ITGA9: variants seen among roughly 807,000 people sequenced by gnomAD.
ITGA9 encodes integrin alpha-9.
A neutral mutation model predicts 127.8 loss-of-function variants in ITGA9; 56 were observed. That is an observed-to-expected ratio of 0.44 (90% CI 0.35 to 0.55). The LOEUF (loss-of-function observed/expected upper bound fraction) is 0.55. Among genes scored for constraint, ITGA9 ranks in the 20% least tolerant of loss-of-function variants. The pLI is 0.00. For synonymous variants in ITGA9, 508 were observed against 514.5 expected, an observed-to-expected ratio of 0.99 and a Z score of 0.17; for missense variants, 1,196 against 1,347.1, an observed-to-expected ratio of 0.89 and a Z score of 1.76.
chr3:37,707,420 G>A (rs1701019038), intron 18 of ITGA9, among the ~76,000 whole-genome samples: 1 of 152,140 alleles, frequency 6.6e-6, no homozygotes. Flanking sequence ...TATTATGTTT[G>A]TGTTCTTCTT....
chr3:37,553,811 T>A (rs567617646), intron 15 of ITGA9, among the ~76,000 whole-genome samples: 1 of 152,334 alleles, frequency 6.6e-6, no homozygotes, highest in African/African-American at 2.4e-5. Context: ...TACTGCTGTC[T>A]GAGAATAAAA....
At chr3:37,733,339 T>G (rs1696319790) in intron 19 of ITGA9, among the ~76,000 whole-genome samples, 1 of 152,112 alleles carries the variant, frequency 6.6e-6, no homozygotes, top group Admixed American at 6.5e-5. Flanking sequence ...AATAGTATAC[T>G]ACAGCATCTT....
intron 26 of ITGA9, among the ~76,000 whole-genome samples, chr3:37,791,398 C>T (rs1282385401): frequency 6.6e-6 from 1 of 152,176 alleles, no homozygotes; most frequent in Non-Finnish European, 1.5e-5. Flanking sequence ...GGCTCTGTCT[C>T]ATTTCAGCAG....
Position 37,452,673 on chromosome 3 carries a change from AT to A in ITGA9, c.185+117del. The A allele has an allele frequency of 1.1e-6, 1 of 937,112 alleles. No homozygotes were observed. The highest frequency in any genetic ancestry group is 1.8e-5 in the African/African-American group (1 of 56,056). The allele number at this position is 937,112 out of a possible 1,614,324, so 58.0% of individuals were successfully genotyped here. On this transcript the variant is annotated intron_variant, in intron 1 of 27. Transcript: ENST00000264741. The surrounding 1 kb of genome is among the most constrained non-coding windows in gnomAD (Gnocchi z 7.3). ...TCCACGCCGCCGTCCCGAGGGGGCGATTTAAATGTCTCCGTTGCGCGCGGCT... is the reference window on the plus strand; with the variant it reads ...TCCACGCCGCCGTCCCGAGGGGGCGATTAAATGTCTCCGTTGCGCGCGGCT...
intron 15 of ITGA9, among the ~76,000 whole-genome samples, chr3:37,544,816 G>T (rs1699309591): frequency 6.6e-6 from 1 of 152,222 alleles, no homozygotes; most frequent in Non-Finnish European, 1.5e-5. Context: ...ATGTCTCTGA[G>T]ACCTTTATGG....
chr3:37,540,326 A>G (rs1310484420), intron 14 of ITGA9, among the ~76,000 whole-genome samples: 3 of 152,340 alleles, frequency 2.0e-5, no homozygotes, highest in South Asian at 4.1e-4. Flanking sequence ...AGCAATGTGT[A>G]TCTGTAGCCA....
intron 25 of ITGA9, among the ~76,000 whole-genome samples, chr3:37,783,031 C>T (rs1010136389): frequency 3.3e-5 from 5 of 151,762 alleles, no homozygotes; most frequent in Admixed American, 2.0e-4. Flanking sequence ...CTCAGCTACT[C>T]GGGAGGCTGA....
Position 37,815,776 on chromosome 3 carries a change from C to T in ITGA9, c.3010-3115C>T, listed in dbSNP as rs767239466. Among the ~76,000 whole-genome samples the T allele has an allele frequency of 5.7e-4, 86 of 152,160 alleles. 3 individuals are homozygous for T. The highest frequency in any genetic ancestry group is 1.8e-4 in the Non-Finnish European group (12 of 68,010). On this transcript the variant is annotated intron_variant, in intron 27 of 27. Transcript: ENST00000264741. ...CTTGACAAACCACCCCAGTATTCAG[C>T]GGCTTAAAAGCAATATCCATCTATG...
At chr3:37,654,515 GTT>G (rs1306644176) in intron 17 of ITGA9, among the ~76,000 whole-genome samples, 3 of 152,114 alleles carry the variant, frequency 2.0e-5, no homozygotes, top group Admixed American at 6.6e-5. Context: ...CTGAAAGACT[GTT>G]TTAGCCTTGG....
Position 37,480,107 on chromosome 3 carries a change from G to A in ITGA9, c.421-1377G>A, listed in dbSNP as rs77213616. The stretch of plus-strand genomic sequence containing the variant: ...GGAGAAGTGGAACGGGCTGGGCAGG[G>A]TAGAGTGTGTGCCTCTGAGTAAGCA... On this transcript the variant is annotated intron_variant, in intron 3 of 27. Coordinates refer to ENST00000264741, the MANE Select transcript of ITGA9 (RefSeq NM_002207.3). 2.6e-4 allele frequency among the ~76,000 whole-genome samples: 40 copies of A among 152,252 alleles called. No homozygotes were observed. The East Asian group carries it at 7.7e-3, about 29-fold the overall frequency.
intron 16 of ITGA9, among the ~76,000 whole-genome samples, chr3:37,633,982 T>C (rs1027890745): frequency 6.6e-6 from 1 of 152,236 alleles, no homozygotes; most frequent in Non-Finnish European, 1.5e-5. Flanking sequence ...ACCGTCTCTA[T>C]GTCATGGTTA....
intron 18 of ITGA9, among the ~76,000 whole-genome samples, chr3:37,731,273 A>G (rs965443672): frequency 6.6e-6 from 1 of 152,110 alleles, no homozygotes; most frequent in African/African-American, 2.4e-5. Flanking sequence ...GCTGGAGTGC[A>G]GTGGCACCAT....
chr3:37,688,638 C>G (rs1700802258), intron 18 of ITGA9, among the ~76,000 whole-genome samples: 2 of 152,168 alleles, frequency 1.3e-5, no homozygotes, highest in South Asian at 4.1e-4. Context: ...CATGCCCCCA[C>G]ATACTCACTT....
chr3:37,776,341 TAAAAA>T (rs533203991), intron 23 of ITGA9, among the ~76,000 whole-genome samples: 54 of 151,068 alleles, frequency 3.6e-4, no homozygotes, highest in Non-Finnish European at 5.9e-4. Flanking sequence ...AAATAAAAGT[TAAAAA>T]AAAACCAACA....
chr3:37,529,356 G>T (rs1699126220), intron 13 of ITGA9, among the ~76,000 whole-genome samples: 1 of 152,118 alleles, frequency 6.6e-6, no homozygotes, highest in South Asian at 2.1e-4. Flanking sequence ...AGCAGGAAGG[G>T]CCAAGCAGAG....
chr3:37,616,134 G>A (rs1322262502), intron 15 of ITGA9, among the ~76,000 whole-genome samples: 29 of 147,958 alleles, frequency 2.0e-4, no homozygotes, highest in African/African-American at 3.3e-4. Flanking sequence ...ACACTGCTTT[G>A]AATGTGTCCC....
chr3:37,699,447 AC>A (rs1700922650), intron 18 of ITGA9, among the ~76,000 whole-genome samples: 1 of 151,974 alleles, frequency 6.6e-6, no homozygotes. Flanking sequence ...TTTCTCAAAC[AC>A]CCTGTTGGCT....
At chr3:37,563,095 A>G (rs1699510098) in intron 15 of ITGA9, among the ~76,000 whole-genome samples, 1 of 152,108 alleles carries the variant, frequency 6.6e-6, no homozygotes, top group Non-Finnish European at 1.5e-5. Context: ...AGTATTTCCA[A>G]AATGAACATA....
intron 26 of ITGA9, among the ~76,000 whole-genome samples, chr3:37,791,912 A>G (rs1453916781): frequency 6.6e-6 from 1 of 152,254 alleles, no homozygotes; most frequent in African/African-American, 2.4e-5. Flanking sequence ...TACTGTCATG[A>G]AATAGACTGT....
Sources: gnomAD v4.1 joint callset for allele counts (sites outside exome capture counted in the v4.1 genomes callset) on GRCh38, gnomAD v4.1.1 for gene constraint, Gnocchi (gnomAD v3.1) non-coding constraint, MANE v1.5 for transcripts, NCBI Gene and HGNC (gene_info 2026-07-23, HGNC 2026-07-21) for gene names.